The following TCTN3 variants were observed in gnomAD, a reference collection of about 807,000 sequenced individuals.
TCTN3 encodes tectonic family member 3.
A neutral mutation model predicts 71.3 loss-of-function variants in TCTN3; 57 were observed. That is an observed-to-expected ratio of 0.80 (90% CI 0.65 to 1.00). TCTN3 has a LOEUF of 1.00. TCTN3 is among the 50% of genes least tolerant of loss of function. The pLI is 0.00. For synonymous variants in TCTN3, 258 were observed against 267.8 expected (o/e 0.96, Z 0.36); for missense variants, 696 against 719.9 (o/e 0.97, Z 0.38).
At chr10:95,681,746 T>C (rs2097943239) in intron 12 of TCTN3, among the ~76,000 whole-genome samples, 1 of 152,214 alleles carries the variant, frequency 6.6e-6, no homozygotes, top group South Asian at 2.1e-4. Context: ...GAGCACAATT[T>C]TAACCTCATG....
chr10:95,669,009 C>T lies in TCTN3; in HGVS notation c.1591-4709G>A, dbSNP rs181341577. 1.9e-4 allele frequency among the ~76,000 whole-genome samples: 29 copies of T among 152,252 alleles called. No individual in the cohort carries two copies. In the East Asian group the frequency reaches 5.6e-3, roughly 29 times the overall value. On this transcript the variant is annotated intron_variant, in intron 13 of 13. Transcript: ENST00000371217. ...GAGTGAAATAGGTAATTATTAATTT[C>T]AGAAAAATAAAAAGTTCCACAAAAA...
intron 13 of TCTN3, among the ~76,000 whole-genome samples, chr10:95,664,783 G>A (rs1010438783): frequency 2.6e-5 from 4 of 152,188 alleles, no homozygotes; most frequent in African/African-American, 7.2e-5. Context: ...TAAAACAGAT[G>A]TTCCTAGAAG....
chr10:95,693,292 A>C (rs2139766699), intron 2 of TCTN3, 61 bp downstream of exon 2: 2 of 1,547,062 alleles, frequency 1.3e-6, no homozygotes, highest in South Asian at 2.4e-5. Context: ...TCTTACATCC[A>C]AATGTTACCC....
intron 13 of TCTN3, among the ~76,000 whole-genome samples, chr10:95,679,003 CAATT>C (rs1393531000): frequency 6.6e-6 from 1 of 152,102 alleles, no homozygotes; most frequent in Non-Finnish European, 1.5e-5. Context: ...TACATTCAAA[CAATT>C]AATTTTTACT....
chr10:95,666,256 T>TTTC (rs2097925588), intron 13 of TCTN3, among the ~76,000 whole-genome samples: 1 of 150,558 alleles, frequency 6.6e-6, no homozygotes, highest in African/African-American at 2.4e-5. Context: ...TTTTTTTTTT[T>TTTC]AACATAGTGA....
rs1555270274 is a variant in TCTN3, at chr10:95,687,255, T to C, written c.728A>G (p.Asn243Ser). 2 of 1,613,972 alleles carry C rather than the reference T, an allele frequency of 1.2e-6. No individual in the cohort carries two copies. The highest frequency in any genetic ancestry group is 8.5e-7 in the Non-Finnish European group (1 of 1,179,882). ...TTTTGCTCTGGATTCACCTGCAGGA[T>C]TGCTTTCAGCACAGAGTCCCCCAGC... ...VGAGGLCAES[N>S]PAGFLESKST... Residue 243 changes from asparagine (N) to serine (S), a missense_variant, in exon 5 of 14, where the codon AAT becomes AGT. Transcript: ENST00000371217.
intron 5 of TCTN3, 30 bp from the exon 6 acceptor site, chr10:95,687,189 A>C (rs767167420): frequency 1.9e-6 from 3 of 1,611,774 alleles, no homozygotes; most frequent in Non-Finnish European, 2.5e-6. Context: ...GAGAGTGGTA[A>C]ATGAGAAAGC....
In TCTN3 at chr10:95,693,709, G is replaced by A; in HGVS notation, c.191C>T (p.Pro64Leu). 6.4e-7 allele frequency: 1 copy of A among 1,551,720 alleles called. No homozygotes were observed. Among genetic ancestry groups the A allele is most frequent in the Non-Finnish European group, 8.7e-7 (1 of 1,147,002 alleles). ...TATRPAVPGL[P>L]TVVPTLVTPS... Reference sequence around the variant, plus strand: ...AGTCACGAGAGTAGGGACCACTGTAGGGAGTCCAGGCACGGCCGGGCGAGT... The same window carrying A: ...AGTCACGAGAGTAGGGACCACTGTAAGGAGTCCAGGCACGGCCGGGCGAGT... Residue 64 changes from proline (P) to leucine (L), a missense_variant, in exon 1 of 14, where the codon CCT becomes CTT. Physicochemically the swap from Pro to Leu is moderately conservative, Grantham distance 98. Coordinates refer to ENST00000371217, the MANE Select transcript of TCTN3 (RefSeq NM_015631.6).
At chr10:95,690,474 T>C (rs2139757590) in intron 3 of TCTN3, among the ~76,000 whole-genome samples, 1 of 152,278 alleles carries the variant, frequency 6.6e-6, no homozygotes, top group East Asian at 1.9e-4. Flanking sequence ...TTCCAAAAGA[T>C]GAGCAAGAAA....
intron 13 of TCTN3, among the ~76,000 whole-genome samples, chr10:95,671,190 G>C (rs2097930959): frequency 6.6e-6 from 1 of 152,172 alleles, no homozygotes; most frequent in Non-Finnish European, 1.5e-5. Context: ...CTTTTATCAA[G>C]ACAGACAAAA....
intron 13 of TCTN3, among the ~76,000 whole-genome samples, chr10:95,665,700 C>G (rs1431850612): frequency 1.3e-5 from 2 of 152,126 alleles, no homozygotes; most frequent in African/African-American, 4.8e-5. Flanking sequence ...TTATTTGAAA[C>G]TGCCCTCTCT....
chr10:95,683,354 CAG>C (rs1265920018), intron 10 of TCTN3, 159 bp from the exon 11 acceptor site: 2 of 1,506,076 alleles, frequency 1.3e-6, no homozygotes, highest in South Asian at 1.3e-5. Context: ...CAGAAAACCA[CAG>C]AGAGACAACT....
At chr10:95,679,631 G>A (rs558646073) in intron 13 of TCTN3, among the ~76,000 whole-genome samples, 172 of 122,520 alleles carry the variant, frequency 1.4e-3, no homozygotes, top group Non-Finnish European at 2.2e-3. Flanking sequence ...TCGCTCTGTC[G>A]CCCAGGCTGG....
intron 13 of TCTN3, among the ~76,000 whole-genome samples, chr10:95,665,748 T>C (rs11188421): frequency 6.6e-6 from 1 of 152,116 alleles, no homozygotes; most frequent in Non-Finnish European, 1.5e-5. Flanking sequence ...GGAGGGTGAA[T>C]GAAGAAAATC....
At chr10:95,693,065 A>G (rs751463730) in intron 2 of TCTN3, 27 bp from the exon 3 acceptor site, 4 of 1,557,174 alleles carry the variant, frequency 2.6e-6, no homozygotes, top group Non-Finnish European at 3.5e-6. Flanking sequence ...GGGAGAAGAT[A>G]TATTTAGAAG....
rs10654251 is a variant in TCTN3, at chr10:95,677,474, G to GTTTTTTTTTTTTTTTTTTTTTTT, written c.1590+2997_1590+2998insAAAAAAAAAAAAAAAAAAAAAAA. On this transcript the variant is annotated intron_variant, in intron 13 of 13. Coordinates refer to ENST00000371217, the MANE Select transcript of TCTN3 (RefSeq NM_015631.6). ...ATACAAGAAGATAGTGAAGTCTACAGTTTTTTTTGTTTTTTTTTTTTTTTT... is the reference window on the plus strand; with the variant it reads ...ATACAAGAAGATAGTGAAGTCTACAGTTTTTTTTTTTTTTTTTTTTTTTTTTTTTTTGTTTTTTTTTTTTTTTT... Among the ~76,000 whole-genome samples the GTTTTTTTTTTTTTTTTTTTTTTT allele has an allele frequency of 1.9e-4, 15 of 80,754 alleles. 2 individuals carry two copies. Among genetic ancestry groups the GTTTTTTTTTTTTTTTTTTTTTTT allele is most frequent in the Non-Finnish European group, 2.4e-4 (8 of 33,248 alleles). 53.0% of individuals were successfully genotyped at this position (80,754 alleles called of 152,430 possible).
intron 11 of TCTN3, 30 bp downstream of exon 11, chr10:95,683,071 G>A: frequency 1.3e-6 from 2 of 1,580,498 alleles, no homozygotes; most frequent in South Asian, 1.1e-5. Context: ...TCCCGAAATT[G>A]CAGGAAATGA....
chr10:95,691,185 T>C (rs1330809618), intron 3 of TCTN3, among the ~76,000 whole-genome samples: 3 of 152,320 alleles, frequency 2.0e-5, no homozygotes, highest in African/African-American at 7.2e-5. Context: ...CTTTCTTTTT[T>C]TGAGACAGAC....
rs1459969405 is a variant in TCTN3 at position 95,664,029 on chromosome 10, C to T, written c.*38G>A. 3 of 1,590,612 alleles carry T rather than the reference C, an allele frequency of 1.9e-6. No individual in the cohort carries two copies. Among genetic ancestry groups the T allele is most frequent in the Non-Finnish European group, 2.6e-6 (3 of 1,159,808 alleles). ...AAGATAAGTGGCTGCCTCAGAGTTT[C>T]TCATAGGGAAAACTGAAATCTGATT... On this transcript the variant is annotated 3_prime_UTR_variant, in exon 14 of 14. Transcript: ENST00000371217.
Sources: allele counts gnomAD v4.1 joint callset (sites outside exome capture counted in the v4.1 genomes callset), GRCh38; gene constraint gnomAD v4.1.1; transcripts MANE v1.5; gene names NCBI Gene and HGNC (gene_info 2026-07-23, HGNC 2026-07-21).